The following SCRN2 variants were observed in gnomAD, a reference collection of about 807,000 sequenced individuals.
The protein encoded by SCRN2 is secernin 2.
Under a neutral mutation model 40.1 loss-of-function variants are expected in SCRN2, and 30 were observed. That is an observed-to-expected ratio of 0.75 (90% CI 0.56 to 1.01). The LOEUF (loss-of-function observed/expected upper bound fraction) is 1.01. SCRN2 is among the 50% of genes least tolerant of loss of function. SCRN2 has a pLI of 0.00. For synonymous variants in SCRN2, 240 were observed against 233.5 expected (o/e 1.03, Z -0.25); for missense variants, 526 against 564.9 (o/e 0.93, Z 0.70).
At position 47,840,802 on chromosome 17, in the gene SCRN2, G is replaced by GC; in HGVS notation, c.41dup (p.Cys14TrpfsTer50). Reference sequence around the variant, plus strand: ...CTGAGGCCGGGGGCACGGAGACAAAGCAGTCGCAGGAACATGGGGAGTCAG... The same window carrying GC: ...CTGAGGCCGGGGGCACGGAGACAAAGCCAGTCGCAGGAACATGGGGAGTCAG... On this transcript the variant is annotated frameshift_variant, in exon 2 of 8. Coordinates refer to ENST00000290216, the MANE Select transcript of SCRN2 (RefSeq NM_138355.4). LOFTEE classifies it high-confidence loss of function. 6.4e-7 allele frequency: 1 copy of GC among 1,568,904 alleles called. No individual in the cohort carries two copies. The highest frequency in any genetic ancestry group is 1.7e-4 in the Middle Eastern group (1 of 5,826).
Position 47,838,310 on chromosome 17 carries a change from CG to C in SCRN2, c.1078del (p.Arg360ValfsTer9), listed in dbSNP as rs1567955446. The C allele has an allele frequency of 6.2e-7, 1 of 1,609,068 alleles. No individual in the cohort carries two copies. The highest frequency in any genetic ancestry group is 1.7e-5 in the Admixed American group (1 of 58,674). On this transcript the variant is annotated frameshift_variant, in exon 7 of 8. Coordinates refer to ENST00000290216, the MANE Select transcript of SCRN2 (RefSeq NM_138355.4). LOFTEE classifies it high-confidence loss of function. Reference protein sequence around the residue: ...TQVDRRHTLYRGHQAALGLME... With the variant: ...TQVDRRHTLYXGHQAALGLME... ...CAGCCCCAGGGCTGCCTGGTGTCCA[CG>C]GTAGAGGGTATGCCGACGATCTACC...
At chr17:47,839,773 G>A in intron 3 of SCRN2, 130 bp from the exon 4 acceptor site, 1 of 889,186 alleles carries the variant, frequency 1.1e-6, no homozygotes, top group Admixed American at 2.1e-5. Flanking sequence ...AAATCTGCTG[G>A]CACTGATCGT....
At chr17:47,838,109 C>T (rs1371815745) in intron 7 of SCRN2, 107 bp from the exon 8 acceptor site, 27 of 1,533,430 alleles carry the variant, frequency 1.8e-5, no homozygotes, top group Middle Eastern at 1.7e-4. Flanking sequence ...AGATACCCCC[C>T]GACATTCCCC....
intron 1 of SCRN2, 146 bp from the exon 2 acceptor site, chr17:47,840,989 A>C: frequency 1.4e-6 from 1 of 710,504 alleles, no homozygotes; most frequent in South Asian, 4.3e-5. Flanking sequence ...GGTGTGCGGG[A>C]ACGGAGGTGC....
chr17:47,840,437 T>C, intron 2 of SCRN2, 65 bp from the exon 3 acceptor site: 1 of 1,547,954 alleles, frequency 6.5e-7, no homozygotes. Context: ...AGTGTGGCAC[T>C]CTGCCAATTA....
In SCRN2 at chr17:47,838,900, C is replaced by T; in HGVS notation, c.663G>A (p.Gln221=). ...AGATCTGAGCAAAGTCAAAGGCACC[C>T]TGCCCATCCCACCAGCCCTTGGCCT... is the stretch of plus-strand genomic sequence containing the variant. ...HAQAKGWWDG[Q]GAFDFAQIFS... The change falls in exon 5 of 8, where the codon CAG becomes CAA. Residue 221 remains glutamine, a synonymous_variant. Coordinates refer to ENST00000290216, the MANE Select transcript of SCRN2 (RefSeq NM_138355.4). 2 of 1,613,958 alleles carry T rather than the reference C, an allele frequency of 1.2e-6. No individual in the cohort carries two copies. Among genetic ancestry groups the T allele is most frequent in the South Asian group, 1.1e-5 (1 of 91,088 alleles).
rs372490941 is a variant in SCRN2, at chr17:47,840,310, A to G, written c.237T>C (p.Ser79=). ...CGCCCATCTCAGCCCCCCATAGCCA[A>G]GAAGGACGGCTCAGAATCACAGCGT... The part of the protein sequence containing the change: ...KTHAVILSRP[S]WLWGAEMGAN... The change falls in exon 3 of 8, where the codon TCT becomes TCC. Residue 79 remains serine, a synonymous_variant. Coordinates refer to ENST00000290216, the MANE Select transcript of SCRN2 (RefSeq NM_138355.4). 120 of 1,614,216 alleles carry G rather than the reference A, an allele frequency of 7.4e-5. 1 individual carries two copies. The East Asian group carries it at 1.1e-3, about 14-fold the overall frequency.
rs868843160 is a variant in SCRN2 at position 47,838,628 on chromosome 17, C to T, written c.841G>A (p.Gly281Arg). The T allele has an allele frequency of 6.2e-7, 1 of 1,614,094 alleles. No homozygotes were observed. Among genetic ancestry groups the T allele is most frequent in the Non-Finnish European group, 8.5e-7 (1 of 1,180,020 alleles). ...DKESGICMDS[G>R]GFRTTASMVS... ...ATGCTGGCCGTGGTGCGAAAGCCTC[C>T]CGAGTCCATACAGATACCACTCTCC... Residue 281 changes from glycine to arginine, a missense_variant, in exon 6 of 8, where the codon GGA becomes AGA. By Grantham distance (125) the Gly-to-Arg change is moderately radical. Transcript: ENST00000290216.
chr17:47,840,880 G>A, intron 1 of SCRN2, 37 bp from the exon 2 acceptor site: 1 of 1,457,832 alleles, frequency 6.9e-7, no homozygotes, highest in Non-Finnish European at 9.1e-7. Context: ...CCCTGGCCAC[G>A]GCTCAGCCCC....
In SCRN2 at chr17:47,837,796, G is replaced by A. The variant is rs1190479893; in HGVS notation, c.*48C>T. The A allele has an allele frequency of 6.5e-7, 1 of 1,536,212 alleles. No individual in the cohort carries two copies. The highest frequency in any genetic ancestry group is 8.7e-7 in the Non-Finnish European group (1 of 1,153,720). On this transcript the variant is annotated 3_prime_UTR_variant, in exon 8 of 8. Coordinates refer to ENST00000290216, the MANE Select transcript of SCRN2 (RefSeq NM_138355.4). ...ACTTTACCACCACTCAGGGCACCCA[G>A]GCCCCAGGGGTCCTGGGTCCACCCC...
intron 2 of SCRN2, 46 bp from the exon 3 acceptor site, chr17:47,840,418 G>A (rs2033797942): frequency 1.9e-6 from 3 of 1,595,272 alleles, no homozygotes; most frequent in South Asian, 1.1e-5. Context: ...ATAGAGGGGC[G>A]GCCCCTCGAG....
In SCRN2 at chr17:47,840,256, G is replaced by T; in HGVS notation, c.291C>A (p.Asn97Lys). Reference sequence around the variant, plus strand: ...CTGGCTCCTTCGTCCACACAGCCTCGTTGCCAATGCAGACACCATGCTCGT... The same window carrying T: ...CTGGCTCCTTCGTCCACACAGCCTCTTTGCCAATGCAGACACCATGCTCGT... ...GANEHGVCIG[N>K]EAVWTKEPVG... is the part of the protein sequence containing the mutation. The change falls in exon 3 of 8, where the codon AAC becomes AAA. Residue 97 changes from asparagine (N) to lysine (K), a missense_variant. By Grantham distance (94) the Asn-to-Lys change is moderately conservative. Transcript: ENST00000290216. 1.2e-6 allele frequency: 2 copies of T among 1,614,114 alleles called. No individual in the cohort carries two copies. The highest frequency in any genetic ancestry group is 1.7e-6 in the Non-Finnish European group (2 of 1,180,034).
chr17:47,839,816 C>T (rs755573350), intron 3 of SCRN2, 173 bp from the exon 4 acceptor site: 3 of 659,328 alleles, frequency 4.6e-6, no homozygotes, highest in South Asian at 1.9e-5. Context: ...GCTTTCAATG[C>T]TCTGGTTCCA....
rs141595908 is a variant in SCRN2 at position 47,839,444 on chromosome 17, C to T, written c.556G>A (p.Glu186Lys). Residue 186 changes from glutamate (E) to lysine (K), a missense_variant and splice_region_variant, in exon 4 of 8, where the codon GAG becomes AAG. Glu to Lys is a moderately conservative substitution (Grantham distance 56). Coordinates refer to ENST00000290216, the MANE Select transcript of SCRN2 (RefSeq NM_138355.4). ...GRLWAAQRIQ[E>K]GARNISNQLS... ...AGCTGGGAGAAAGGGAACACCTCAC[C>T]CTGGATCCTCTGTGCAGCCCAGAGC... 1.1e-5 allele frequency: 17 copies of T among 1,612,160 alleles called. No individual in the cohort carries two copies. The highest frequency in any genetic ancestry group is 1.3e-5 in the Non-Finnish European group (15 of 1,179,944).
intron 3 of SCRN2, chr17:47,839,923 C>T (rs988970935): frequency 1.9e-5 from 11 of 591,364 alleles, no homozygotes; most frequent in African/African-American, 1.9e-4. Context: ...CAGAGCTGCT[C>T]CATCCACTAT....
intron 3 of SCRN2, 27 bp downstream of exon 3, chr17:47,840,164 G>A (rs745992867): frequency 6.3e-7 from 1 of 1,596,222 alleles, no homozygotes; most frequent in Non-Finnish European, 8.5e-7. Context: ...GGTGTGTCAG[G>A]CAGATGAGGA....
rs771123017 is a variant in SCRN2 at position 47,838,316 on chromosome 17, A to G, written c.1073T>C (p.Leu358Pro). ...FQTQVDRRHT[L>P]YRGHQAALGL... ...CAGGGCTGCCTGGTGTCCACGGTAG[A>G]GGGTATGCCGACGATCTACCTGAGT... Residue 358 changes from leucine (L) to proline (P), a missense_variant, in exon 7 of 8, where the codon CTC becomes CCC. By Grantham distance (98) the Leu-to-Pro change is moderately conservative. Coordinates refer to ENST00000290216, the MANE Select transcript of SCRN2 (RefSeq NM_138355.4). 1 of 1,610,074 alleles carries G rather than the reference A, an allele frequency of 6.2e-7. No individual in the cohort carries two copies. Among genetic ancestry groups the G allele is most frequent in the East Asian group, 2.2e-5 (1 of 44,818 alleles).
In SCRN2 at chr17:47,837,980, T is replaced by A. The variant is rs770450414; in HGVS notation, c.1142A>T (p.Gln381Leu). Residue 381 changes from glutamine (Q) to leucine (L), a missense_variant, in exon 8 of 8, where the codon CAG becomes CTG. Transcript: ENST00000290216. ...RDQDRGQQLQ[Q>L]KQQDLEQEGL... ...TTCCTGCTCCAGATCCTGCTGTTTC[T>A]GCTGGAGCTGCTGCCCCCGATCCTG... The A allele has an allele frequency of 6.2e-7, 1 of 1,607,328 alleles. No individual in the cohort carries two copies. The highest frequency in any genetic ancestry group is 8.5e-7 in the Non-Finnish European group (1 of 1,179,672).
chr17:47,840,459 C>T, intron 2 of SCRN2, 87 bp from the exon 3 acceptor site: 1 of 1,446,092 alleles, frequency 6.9e-7, no homozygotes, highest in South Asian at 1.3e-5. Context: ...CTTATAGATC[C>T]CTTTGAGGAA....
Sources: allele counts gnomAD v4.1 joint callset, GRCh38; gene constraint gnomAD v4.1.1; transcripts MANE v1.5; gene names NCBI Gene and HGNC (gene_info 2026-07-23, HGNC 2026-07-21).